BCL2L13: variants seen among roughly 807,000 people sequenced by gnomAD.
BCL2L13 encodes the protein BCL2 like 13.
Under a neutral mutation model 25.8 loss-of-function variants are expected in BCL2L13, and 13 were observed. The ratio of observed to expected loss-of-function variants is 0.50; its 90% confidence interval spans 0.33 to 0.80. The LOEUF (loss-of-function observed/expected upper bound fraction) is 0.80, where lower values mean the gene tolerates loss of function less well. BCL2L13 is among the 30% of genes least tolerant of loss of function. The pLI is 0.02. For missense variants in BCL2L13, 504 were observed against 574.9 expected (o/e 0.88, Z 1.26); for synonymous variants, 244 against 230.3 (o/e 1.06, Z -0.54).
chr22:17,703,140 GCAACAACAA>G (rs981743050), intron 6 of BCL2L13: 1 of 149,876 alleles, frequency 6.7e-6, no homozygotes, highest in Non-Finnish European at 1.5e-5. Context: ...GGGCAACAGA[GCAACAACAA>G]CAACAACAAC....
intron 2 of BCL2L13, 29 bp downstream of exon 2, chr22:17,655,861 G>C (rs1161875161): frequency 6.3e-7 from 1 of 1,588,636 alleles, no homozygotes; most frequent in South Asian, 1.2e-5. Context: ...GGTGGTTATA[G>C]TAAATTGTAA....
At chr22:17,655,143 A>T (rs1010045246) in intron 1 of BCL2L13, among the ~76,000 whole-genome samples, 11 of 152,032 alleles carry the variant, frequency 7.2e-5, no homozygotes, top group South Asian at 4.2e-4. Context: ...AGGCCTACAC[A>T]GAGTCAGGAT....
chr22:17,636,105 C>T (rs1199092302), upstream of BCL2L13, among the ~76,000 whole-genome samples: 1 of 150,426 alleles, frequency 6.6e-6, no homozygotes, highest in Non-Finnish European at 1.5e-5. Flanking sequence ...GGGTGGATCA[C>T]TTGGGGTCAG....
At chr22:17,688,389 T>G (rs1014367215) in intron 3 of BCL2L13, among the ~76,000 whole-genome samples, 9 of 152,256 alleles carry the variant, frequency 5.9e-5, no homozygotes, top group African/African-American at 2.2e-4. Context: ...CCTCTGAGGA[T>G]GATTAGAATC....
intron 2 of BCL2L13, among the ~76,000 whole-genome samples, chr22:17,671,752 A>G (rs972372326): frequency 6.6e-6 from 1 of 152,064 alleles, no homozygotes; most frequent in Non-Finnish European, 1.5e-5. Flanking sequence ...ACTCTTTCCC[A>G]GGCTGGAGTG....
At chr22:17,664,802 G>A (rs62240487) in intron 2 of BCL2L13, among the ~76,000 whole-genome samples, 7,914 of 152,224 alleles carry the variant, frequency 0.052, 293 homozygotes, top group African/African-American at 0.094. Context: ...GCCATTTCCC[G>A]AGCTGTACCT....
At chr22:17,644,806 CTT>C (rs771290371) in intron 1 of BCL2L13, among the ~76,000 whole-genome samples, 3 of 133,406 alleles carry the variant, frequency 2.2e-5, no homozygotes, top group Non-Finnish European at 3.2e-5. Flanking sequence ...CTAGGAATTT[CTT>C]TTTTTTTTTT....
At chr22:17,698,678 G>A (rs1241087734) in intron 5 of BCL2L13, among the ~76,000 whole-genome samples, 1 of 151,372 alleles carries the variant, frequency 6.6e-6, no homozygotes, top group Non-Finnish European at 1.5e-5. Context: ...GCAGTGAGCC[G>A]AGATCATGCC....
rs1485419371 is a variant in BCL2L13, at chr22:17,729,882, C to T, written c.*2348C>T. The T allele has an allele frequency of 6.6e-6, 1 of 152,226 alleles. No individual in the cohort carries two copies. Among genetic ancestry groups the T allele is most frequent in the Non-Finnish European group, 1.5e-5 (1 of 68,044 alleles). 9.4% of individuals were successfully genotyped at this position (152,226 alleles called of 1,614,324 possible). ...TCCTTCACGTCCTCACCCTCTGCCT[C>T]CAGCAGTGGAAGGGAACAGCCCTCA... On this transcript the variant is annotated 3_prime_UTR_variant, in exon 7 of 7. Coordinates refer to ENST00000317582, the MANE Select transcript of BCL2L13 (RefSeq NM_015367.4).
chr22:17,657,114 G>T (rs975799564), intron 2 of BCL2L13, among the ~76,000 whole-genome samples: 6 of 152,072 alleles, frequency 3.9e-5, no homozygotes, highest in Non-Finnish European at 7.4e-5. Flanking sequence ...CCCCAGGCCG[G>T]CTTGGCTGCT....
chr22:17,646,959 T>A (rs867323652), intron 1 of BCL2L13, among the ~76,000 whole-genome samples: 135 of 35,372 alleles, frequency 3.8e-3, no homozygotes, highest in Middle Eastern at 0.011. Flanking sequence ...ATATATATTT[T>A]TTTTTTTTTT....
At chr22:17,723,471 T>C (rs1276384290) in intron 6 of BCL2L13, among the ~76,000 whole-genome samples, 2 of 152,244 alleles carry the variant, frequency 1.3e-5, no homozygotes, top group African/African-American at 2.4e-5. Flanking sequence ...TCCATTTGTT[T>C]TCACTTCCTT....
chr22:17,681,499 A>T (rs1272482863), intron 2 of BCL2L13, among the ~76,000 whole-genome samples: 1 of 125,794 alleles, frequency 7.9e-6, no homozygotes, highest in African/African-American at 3.7e-5. Flanking sequence ...ACTCCGTCTG[A>T]AAAAAAAAAA....
chr22:17,659,622 C>G lies in BCL2L13; in HGVS notation c.121+3790C>G, dbSNP rs372627880. 1.4e-5 allele frequency among the ~76,000 whole-genome samples: 2 copies of G among 144,602 alleles called. 1 individual carries two copies. Among genetic ancestry groups the G allele is most frequent in the Admixed American group, 1.4e-4 (2 of 14,404 alleles). 94.9% of individuals were successfully genotyped at this position (144,602 alleles called of 152,430 possible). A position where few individuals can be genotyped will look rare whatever the true frequency, so the allele number is the denominator to read the frequency against. ...CTTGCAGTGAACCGAGATCATGCCA[C>G]TGCACTCCAGCCTGGGCGACAGAAC... On this transcript the variant is annotated intron_variant, in intron 2 of 6. Coordinates refer to ENST00000317582, the MANE Select transcript of BCL2L13 (RefSeq NM_015367.4).
Position 17,727,168 on chromosome 22 carries a change from G to A in BCL2L13, c.1092G>A (p.Val364=), listed in dbSNP as rs1356041160. 1.2e-6 allele frequency: 2 copies of A among 1,614,210 alleles called. No homozygotes were observed. Among genetic ancestry groups the A allele is most frequent in the Admixed American group, 1.7e-5 (1 of 60,022 alleles). The change falls in exon 7 of 7, where the codon GTG becomes GTA. Residue 364 remains valine, a synonymous_variant. Coordinates refer to ENST00000317582, the MANE Select transcript of BCL2L13 (RefSeq NM_015367.4). ...GGACAAGGGAACCTGACACAGAAGT[G>A]ATCACAGTTGAGAAATCCAGCCCTG... The part of the protein sequence containing the change: ...LLGTREPDTE[V]ITVEKSSPAT...
At chr22:17,683,343 T>C (rs1173306957) in intron 3 of BCL2L13, 22 bp downstream of exon 3, 13 of 1,344,934 alleles carry the variant, frequency 9.7e-6, no homozygotes, top group African/African-American at 1.5e-5. Flanking sequence ...CTTATTTTTC[T>C]AGTTAATAAG....
intron 6 of BCL2L13, among the ~76,000 whole-genome samples, chr22:17,725,977 C>T (rs541609932): frequency 1.3e-5 from 2 of 151,838 alleles, no homozygotes; most frequent in East Asian, 3.9e-4. Context: ...AGATTTTTGA[C>T]TGTGTTTTGC....
chr22:17,657,846 A>G (rs1257883233), intron 2 of BCL2L13, among the ~76,000 whole-genome samples: 1 of 17,016 alleles, frequency 5.9e-5, no homozygotes, highest in African/African-American at 1.8e-4. Flanking sequence ...TTTTTTTTTG[A>G]GATGAGTCTT....
chr22:17,696,966 A>C (rs972911198), intron 5 of BCL2L13, among the ~76,000 whole-genome samples: 7 of 152,076 alleles, frequency 4.6e-5, no homozygotes, highest in African/African-American at 1.7e-4. Context: ...AGAGATGAGA[A>C]AATTCAGGAC....
Sources: allele counts gnomAD v4.1 joint callset (sites outside exome capture counted in the v4.1 genomes callset), GRCh38; gene constraint gnomAD v4.1.1; transcripts MANE v1.5; gene names NCBI Gene and HGNC (gene_info 2026-07-23, HGNC 2026-07-21).